The following CASP1 variants were observed in gnomAD, a reference collection of about 807,000 sequenced individuals.
CASP1 encodes caspase 1.
In CASP1, 31 loss-of-function variants were observed where a neutral mutation model predicts 41.2. The observed-to-expected ratio is 0.75, with a 90% confidence interval of 0.57 to 1.02. The LOEUF (loss-of-function observed/expected upper bound fraction) is 1.02, where lower values mean the gene tolerates loss of function less well. CASP1 is among the 50% of genes least tolerant of loss of function. The pLI is 0.00. For missense variants in CASP1, 490 were observed against 495.7 expected (o/e 0.99, Z 0.11); for synonymous variants, 163 against 166.5 (o/e 0.98, Z 0.16).
At chr11:105,036,169 T>G (rs907406397), upstream of CASP1, among the ~76,000 whole-genome samples, 6 of 152,152 alleles carry the variant, frequency 3.9e-5, no homozygotes, top group Non-Finnish European at 7.4e-5. Flanking sequence ...ATGAGTGATA[T>G]TATTATAATT....
intron 7 of CASP1, among the ~76,000 whole-genome samples, chr11:105,027,371 CAGTA>C (rs972017557): frequency 2.0e-5 from 3 of 151,640 alleles, no homozygotes; most frequent in South Asian, 2.1e-4. Flanking sequence ...ATAACATTGA[CAGTA>C]AGATATTTAC....
upstream of CASP1, among the ~76,000 whole-genome samples, chr11:105,035,618 G>GTTTTTTTTTTTTTT (rs56746743): frequency 9.4e-3 from 976 of 103,382 alleles, 121 homozygotes; most frequent in Non-Finnish European, 0.012. Context: ...TTTTCTTTCT[G>GTTTTTTTTTTTTTT]TTTTTTTTTT....
Position 105,026,183 on chromosome 11 carries a change from C to G in CASP1, c.*75G>C. Reference sequence around the variant, plus strand: ...TCTTGACTCAAATGGACTTTCAGTACCCTTTCCTCAACCTTCCCACACTCC... The same window carrying G: ...TCTTGACTCAAATGGACTTTCAGTAGCCTTTCCTCAACCTTCCCACACTCC... On this transcript the variant is annotated 3_prime_UTR_variant, in exon 9 of 9. Transcript: ENST00000533400. The G allele has an allele frequency of 1.1e-6, 1 of 925,266 alleles. No individual in the cohort carries two copies. The highest frequency in any genetic ancestry group is 2.2e-4 in the Middle Eastern group (1 of 4,454). The allele number at this position is 925,266 out of a possible 1,614,324, so 57.3% of individuals were successfully genotyped here. A position where few individuals can be genotyped will look rare whatever the true frequency, so the allele number is the denominator to read the frequency against.
upstream of CASP1, among the ~76,000 whole-genome samples, chr11:105,035,616 C>CTTTTTTTTTTTTTTTTTTT (rs770202897): frequency 1.2e-3 from 62 of 52,022 alleles, 1 homozygote; most frequent in African/African-American, 1.4e-3. Context: ...TTTTTTCTTT[C>CTTTTTTTTTTTTTTTTTTT]TGTTTTTTTT....
upstream of CASP1, among the ~76,000 whole-genome samples, chr11:105,035,618 G>GTTTTTTTTTTTTTTTTTTTTTTTTT (rs56746743): frequency 1.3e-3 from 134 of 103,410 alleles, 6 homozygotes; most frequent in East Asian, 5.5e-3. Context: ...TTTTCTTTCT[G>GTTTTTTTTTTTTTTTTTTTTTTTTT]TTTTTTTTTT....
intron 7 of CASP1, chr11:105,027,215 G>C: frequency 1.7e-6 from 1 of 603,546 alleles, no homozygotes; most frequent in Non-Finnish European, 2.9e-6. Context: ...CTATACAGGG[G>C]ATGGTAATAA....
At position 105,030,367 on chromosome 11, in the gene CASP1, C is replaced by T. The variant is rs1407080896; in HGVS notation, c.590G>A (p.Gly197Glu). Residue 197 changes from glycine (G) to glutamate (E), a missense_variant, in exon 5 of 9, where the codon GGG (glycine) becomes GAG (glutamate). Physicochemically the swap from Gly to Glu is moderately conservative, Grantham distance 98. Coordinates refer to ENST00000533400, the MANE Select transcript of CASP1 (RefSeq NM_001257118.3). ...ATTTTTTTTCACATCTACGCTGTAC[C>T]CCAGATTTTGTAGCAGCATTGTCAT... ...TGMTMLLQNL[G>E]YSVDVKKNLT... 6.2e-7 allele frequency: 1 copy of T among 1,613,440 alleles called. No homozygotes were observed. Among genetic ancestry groups the T allele is most frequent in the South Asian group, 1.1e-5 (1 of 91,046 alleles).
At position 105,029,591 on chromosome 11, in the gene CASP1, C is replaced by A. The variant is rs1256841231; in HGVS notation, c.862+74G>T. The stretch of plus-strand genomic sequence containing the variant: ...ACATTAAAAGACAAACCAAAAGAAA[C>A]CAAAAATTCTTGGATGCATACAGAG... On this transcript the variant is annotated intron_variant, in intron 6 of 8. Transcript: ENST00000533400. The A allele has an allele frequency of 4.4e-6, 5 of 1,141,896 alleles. No individual in the cohort carries two copies. In the African/African-American group the frequency reaches 7.6e-5, roughly 17 times the overall value. The allele number at this position is 1,141,896 out of a possible 1,614,324, so 70.7% of individuals were successfully genotyped here.
At chr11:105,033,155 G>A (rs994867512) in intron 2 of CASP1, 29 bp from the exon 3 acceptor site, 3 of 1,353,296 alleles carry the variant, frequency 2.2e-6, no homozygotes, top group Non-Finnish European at 3.1e-6. Flanking sequence ...TATTGAAGTA[G>A]TCACTTATCA....
intron 2 of CASP1, chr11:105,033,762 T>C (rs2134859887): frequency 2.6e-6 from 1 of 387,006 alleles, no homozygotes; most frequent in East Asian, 6.7e-5. Flanking sequence ...TATTTTATTC[T>C]TTTGGGAGGG....
At position 105,026,300 on chromosome 11, in the gene CASP1, T is replaced by C. The variant is rs1863277339; in HGVS notation, c.1173A>G (p.Arg391=). The C allele has an allele frequency of 1.9e-6, 3 of 1,612,156 alleles. No homozygotes were observed. Among genetic ancestry groups the C allele is most frequent in the African/African-American group, 1.3e-5 (1 of 74,918 alleles). ...DGRAQMPTTE[R]VTLTRCFYLF... The stretch of plus-strand genomic sequence containing the variant: ...GGTAGAAACATCTTGTCAAAGTCAC[T>C]CTTTCAGTGGTGGGCATCTGCGCTC... Residue 391 remains arginine, a synonymous_variant, in exon 9 of 9, where the codon AGA becomes AGG. Transcript: ENST00000533400.
In CASP1 at chr11:105,026,854, T is replaced by C; in HGVS notation, c.1104A>G (p.Glu368=). Residue 368 remains glutamate, a synonymous_variant, in exon 8 of 9, where the codon GAA becomes GAG. Coordinates refer to ENST00000533400, the MANE Select transcript of CASP1 (RefSeq NM_001257118.3). Reference sequence around the variant, plus strand: ...ACTAGCATCTTACCTTGCGGAAAATTTCCTCCACATCACAGGAACAGGCAT... The same window carrying C: ...ACTAGCATCTTACCTTGCGGAAAATCTCCTCCACATCACAGGAACAGGCAT... ...QEYACSCDVE[E]IFRKVRFSFE... The C allele has an allele frequency of 1.3e-6, 2 of 1,589,288 alleles. No individual in the cohort carries two copies. The highest frequency in any genetic ancestry group is 2.7e-5 in the African/African-American group (2 of 74,460).
intron 7 of CASP1, among the ~76,000 whole-genome samples, chr11:105,028,601 A>C (rs1863469621): frequency 6.6e-6 from 1 of 152,102 alleles, no homozygotes; most frequent in South Asian, 2.1e-4. Flanking sequence ...CAAAATACTA[A>C]ATGTCTGGGT....
At chr11:105,034,828 T>G in intron 1 of CASP1, 1 of 602,440 alleles carries the variant, frequency 1.7e-6, no homozygotes, top group Non-Finnish European at 2.9e-6. Context: ...GTGCCAATTC[T>G]GTACCCTCTG....
rs1303874655 is a variant in CASP1, at chr11:105,030,463, G to A, written c.494C>T (p.Ala165Val). The change falls in exon 5 of 9, where the codon GCT becomes GTT. Residue 165 changes from alanine (A) to valine (V), a missense_variant. Physicochemically the swap from Ala to Val is moderately conservative, Grantham distance 64 (BLOSUM62 0). Coordinates refer to ENST00000533400, the MANE Select transcript of CASP1 (RefSeq NM_001257118.3). ...IMDKSSRTRL[A>V]LIICNEEFDS... ...AAATTCTTCATTGCAGATAATGAGA[G>A]CAAGACGTGTGCGGCTTGACTTGTC... 2.5e-6 allele frequency: 4 copies of A among 1,613,300 alleles called. No homozygotes were observed. Among genetic ancestry groups the A allele is most frequent in the Non-Finnish European group, 3.4e-6 (4 of 1,179,552 alleles).
chr11:105,032,584 A>G (rs1008521959), intron 3 of CASP1, among the ~76,000 whole-genome samples: 2 of 152,194 alleles, frequency 1.3e-5, no homozygotes, highest in Non-Finnish European at 2.9e-5. Context: ...TCCAAATTTG[A>G]GAAAAGCCTG....
chr11:105,030,931 A>C (rs1023679880), intron 4 of CASP1: 6 of 460,142 alleles, frequency 1.3e-5, no homozygotes, highest in African/African-American at 1.2e-4. Context: ...ATTCTTAATA[A>C]GCATTCAATA....
In CASP1 at chr11:105,031,150, T is replaced by A; in HGVS notation, c.453+15A>T. ...TCTTTCACCCCACTCTATCCTTGGG[T>A]TCTGAGCATGGCACCTCTGCCGACT... On this transcript the variant is annotated intron_variant, in intron 4 of 8. Transcript: ENST00000533400. 1.4e-6 allele frequency: 2 copies of A among 1,477,006 alleles called. No individual in the cohort carries two copies. The highest frequency in any genetic ancestry group is 1.9e-6 in the Non-Finnish European group (2 of 1,055,624). 91.5% of individuals were successfully genotyped at this position (1,477,006 alleles called of 1,614,324 possible).
chr11:105,036,266 A>G (rs1168285652), upstream of CASP1, among the ~76,000 whole-genome samples: 2 of 152,192 alleles, frequency 1.3e-5, no homozygotes, highest in African/African-American at 4.8e-5. Flanking sequence ...AGAATCCTCA[A>G]GCAGTGCATC....
Sources: allele counts gnomAD v4.1 joint callset (sites outside exome capture counted in the v4.1 genomes callset), GRCh38; gene constraint gnomAD v4.1.1; transcripts MANE v1.5; gene names NCBI Gene and HGNC (gene_info 2026-07-23, HGNC 2026-07-21).